Variants in ENPEP observed in about 807,000 individuals in gnomAD.
The protein encoded by ENPEP is AP-A.
Under a neutral mutation model 114.5 loss-of-function variants are expected in ENPEP, and 103 were observed. That is an observed-to-expected ratio of 0.90 (90% CI 0.77 to 1.06). ENPEP has a LOEUF of 1.06. Among genes scored for constraint, ENPEP ranks in the 50% least tolerant of loss-of-function variants. The pLI is 0.00. For synonymous variants in ENPEP, 420 were observed against 422.0 expected, an observed-to-expected ratio of 1.00 and a Z score of 0.06; for missense variants, 1,196 against 1,161.3, an observed-to-expected ratio of 1.03 and a Z score of -0.43.
At chr4:110,541,833 G>T (rs1362302703) in intron 11 of ENPEP, among the ~76,000 whole-genome samples, 1 of 152,004 alleles carries the variant, frequency 6.6e-6, no homozygotes, top group East Asian at 1.9e-4. Flanking sequence ...ATTGTATATT[G>T]TTCATGTAAA....
At chr4:110,491,233 T>C in intron 3 of ENPEP, 69 bp downstream of exon 3, 1 of 1,404,332 alleles carries the variant, frequency 7.1e-7, no homozygotes, top group Non-Finnish European at 9.4e-7. Context: ...CTTTTTTGGG[T>C]AGTTTTTTTT....
At chr4:110,478,407 A>C (rs764319186) in intron 1 of ENPEP, among the ~76,000 whole-genome samples, 64 of 139,794 alleles carry the variant, frequency 4.6e-4, no homozygotes, top group Non-Finnish European at 6.6e-4. Flanking sequence ...AAAGCATAAA[A>C]ATTATCAAAA....
At chr4:110,497,743 G>T (rs1004876632) in intron 3 of ENPEP, among the ~76,000 whole-genome samples, 8 of 151,996 alleles carry the variant, frequency 5.3e-5, no homozygotes, top group Non-Finnish European at 1.0e-4. Flanking sequence ...TTCAAACCAA[G>T]GTTTTGCATA....
intron 3 of ENPEP, among the ~76,000 whole-genome samples, chr4:110,493,244 A>G (rs556953328): frequency 3.4e-4 from 52 of 152,346 alleles, no homozygotes; most frequent in African/African-American, 1.2e-3. Flanking sequence ...TTGAAGTGAT[A>G]TAATGAAAAA....
rs1252049259 is a variant in ENPEP at position 110,549,438 on chromosome 4, CA to C, written c.2225+21del. Reference sequence around the variant, plus strand: ...TCACAAAGTTATTCTCACTTTTTAACAACTAAAATTCATTTAACATTTGTTT... The same window carrying C: ...TCACAAAGTTATTCTCACTTTTTAACACTAAAATTCATTTAACATTTGTTT... On this transcript the variant is annotated intron_variant, in intron 15 of 19. Transcript: ENST00000265162. 2.5e-6 allele frequency: 4 copies of C among 1,612,544 alleles called. No homozygotes were observed. The highest frequency in any genetic ancestry group is 3.4e-6 in the Non-Finnish European group (4 of 1,179,038).
chr4:110,555,908 T>C (rs1038896135), intron 18 of ENPEP, among the ~76,000 whole-genome samples: 12 of 151,994 alleles, frequency 7.9e-5, no homozygotes, highest in Non-Finnish European at 1.8e-4. Flanking sequence ...ATGCAGTATA[T>C]TTTCCCTTAT....
At chr4:110,522,486 G>A (rs1726036289) in intron 10 of ENPEP, among the ~76,000 whole-genome samples, 1 of 152,060 alleles carries the variant, frequency 6.6e-6, no homozygotes, top group South Asian at 2.1e-4. Flanking sequence ...CAGCCAATAG[G>A]CGTTCTTTAA....
At chr4:110,515,129 G>T (rs1169705345) in intron 7 of ENPEP, among the ~76,000 whole-genome samples, 3 of 152,068 alleles carry the variant, frequency 2.0e-5, no homozygotes, top group African/African-American at 7.2e-5. Context: ...TGAATCTGAA[G>T]TCCCTGAAAT....
At chr4:110,490,635 C>T (rs934151751) in intron 2 of ENPEP, among the ~76,000 whole-genome samples, 15 of 152,202 alleles carry the variant, frequency 9.9e-5, no homozygotes, top group African/African-American at 3.6e-4. Context: ...TTCCGCTACA[C>T]CAGGTACAGC....
chr4:110,544,180 T>G (rs940945731), intron 13 of ENPEP, among the ~76,000 whole-genome samples: 5 of 152,062 alleles, frequency 3.3e-5, no homozygotes, highest in African/African-American at 1.2e-4. Flanking sequence ...TTCCATATAG[T>G]CTTAAGTAAG....
intron 13 of ENPEP, among the ~76,000 whole-genome samples, chr4:110,545,661 A>G (rs1452773740): frequency 6.6e-6 from 1 of 151,850 alleles, no homozygotes; most frequent in Non-Finnish European, 1.5e-5. Flanking sequence ...TCCTCTCTGA[A>G]CTTTGTTGAT....
chr4:110,517,923 C>A (rs1050604769), intron 8 of ENPEP, among the ~76,000 whole-genome samples: 1 of 152,218 alleles, frequency 6.6e-6, no homozygotes, highest in Non-Finnish European at 1.5e-5. Flanking sequence ...AGCATCCCAA[C>A]AATATCCTCC....
Position 110,542,803 on chromosome 4 carries a change from C to A in ENPEP, c.1860C>A (p.Asn620Lys). 1.2e-6 allele frequency: 2 copies of A among 1,613,118 alleles called. No homozygotes were observed. The highest frequency in any genetic ancestry group is 2.2e-5 in the South Asian group (2 of 91,064). The change falls in exon 12 of 20, where the codon AAC becomes AAA. Residue 620 changes from asparagine (N) to lysine (K), a missense_variant. Transcript: ENST00000265162. ...GTGGAAATGCTTTTCTCAAAATAAACCCAGATCATATTGGGTTTTATCGTG... is the reference window on the plus strand; with the variant it reads ...GTGGAAATGCTTTTCTCAAAATAAAACCAGATCATATTGGGTTTTATCGTG... The part of the protein sequence containing the change: ...NPSGNAFLKI[N>K]PDHIGFYRVN...
At chr4:110,515,743 G>A in intron 8 of ENPEP, 1 of 498,422 alleles carries the variant, frequency 2.0e-6, no homozygotes, top group South Asian at 1.5e-5. Flanking sequence ...CATAGACTGG[G>A]TGGCTTAAAC....
At position 110,531,268 on chromosome 4, in the gene ENPEP, G is replaced by T; in HGVS notation, c.1798G>T (p.Glu600Ter). 1 of 1,432,810 alleles carries T rather than the reference G, an allele frequency of 7.0e-7. No homozygotes were observed. The highest frequency in any genetic ancestry group is 1.5e-5 in the South Asian group (1 of 66,828). The allele number at this position is 1,432,810 out of a possible 1,614,324, so 88.8% of individuals were successfully genotyped here. ...AAGCAGTGTGTTATTTAATAGGTCA[G>T]AAAAAGAAGGTAAATATTATTAATT... ...ITSSVLFNRSEKEGITLNSSN... is the reference protein window; with the variant it reads ...ITSSVLFNRS Residue 600 changes from glutamate to a stop codon, truncating the protein, a stop_gained, in exon 11 of 20, where the codon GAA becomes TAA. Transcript: ENST00000265162. LOFTEE classifies it high-confidence loss of function.
intron 18 of ENPEP, 140 bp from the exon 19 acceptor site, chr4:110,559,507 A>G: frequency 1.6e-6 from 1 of 628,744 alleles, no homozygotes; most frequent in East Asian, 2.8e-5. Context: ...TTTTAAGTAA[A>G]ATGGGTTTTC....
At chr4:110,525,041 C>T (rs985966968) in intron 10 of ENPEP, among the ~76,000 whole-genome samples, 9 of 152,138 alleles carry the variant, frequency 5.9e-5, no homozygotes, top group African/African-American at 1.2e-4. Flanking sequence ...TGTGAGCCAT[C>T]GCAGATGACC....
rs1264942652 is a variant in ENPEP at position 110,515,365 on chromosome 4, T to A, written c.1444-12T>A. On this transcript the variant is annotated splice_polypyrimidine_tract_variant and intron_variant, in intron 7 of 19. Transcript: ENST00000265162. ...TTTATTAGTTTCATTTGTCTTTTTATCCCCATTGTAGGGATCTTCTATTTT... is the reference window on the plus strand; with the variant it reads ...TTTATTAGTTTCATTTGTCTTTTTAACCCCATTGTAGGGATCTTCTATTTT... 1.0e-5 allele frequency: 16 copies of A among 1,605,530 alleles called. No individual in the cohort carries two copies. The highest frequency in any genetic ancestry group is 1.4e-5 in the Non-Finnish European group (16 of 1,176,152).
chr4:110,511,533 A>G (rs1250309451), intron 6 of ENPEP, among the ~76,000 whole-genome samples: 1 of 152,186 alleles, frequency 6.6e-6, no homozygotes, highest in East Asian at 1.9e-4. Flanking sequence ...AAACTGTATA[A>G]ATGGAAAATT....
Sources: gnomAD v4.1 joint callset for allele counts (sites outside exome capture counted in the v4.1 genomes callset) on GRCh38, gnomAD v4.1.1 for gene constraint, MANE v1.5 for transcripts, NCBI Gene and HGNC (gene_info 2026-07-23, HGNC 2026-07-21) for gene names.